SLC25A26: variants seen among roughly 807,000 people sequenced by gnomAD.
SLC25A26 encodes solute carrier family 25 member 26, also known as mitochondrial S-adenosylmethionine carrier protein.
SLC25A26 carries 36 observed loss-of-function variants against 37.8 expected under a neutral mutation model. The observed-to-expected ratio is 0.95, with a 90% confidence interval of 0.73 to 1.26. The LOEUF (loss-of-function observed/expected upper bound fraction) is 1.26. Among genes scored for constraint, SLC25A26 ranks in the 50% most tolerant of loss-of-function variants. The pLI, the probability that SLC25A26 is intolerant of heterozygous loss-of-function variation, is 0.00. For missense variants in SLC25A26, 390 were observed against 331.1 expected, an observed-to-expected ratio of 1.18 and a Z score of -1.38; for synonymous variants, 129 against 122.5, an observed-to-expected ratio of 1.05 and a Z score of -0.35.
intron 1 of SLC25A26, among the ~76,000 whole-genome samples, chr3:66,140,905 T>G (rs748410200): frequency 2.6e-5 from 4 of 152,158 alleles, no homozygotes; most frequent in African/African-American, 9.7e-5. Flanking sequence ...TGCAAGACTT[T>G]AGAAATGTTT....
At chr3:66,359,002 C>T (rs1183487612) in intron 6 of SLC25A26, among the ~76,000 whole-genome samples, 1 of 152,176 alleles carries the variant, frequency 6.6e-6, no homozygotes, top group African/African-American at 2.4e-5. Context: ...CGTTTTGGGT[C>T]TTCTAGAGAT....
chr3:66,149,848 T>G (rs1034066821), intron 1 of SLC25A26, among the ~76,000 whole-genome samples: 1 of 152,184 alleles, frequency 6.6e-6, no homozygotes, highest in Non-Finnish European at 1.5e-5. Flanking sequence ...ACTTAGCTCT[T>G]CACCATTCCA....
chr3:66,365,284 GA>G (rs752995756), intron 7 of SLC25A26, among the ~76,000 whole-genome samples: 1 of 152,174 alleles, frequency 6.6e-6, no homozygotes, highest in Non-Finnish European at 1.5e-5. Context: ...CATTGCAGAT[GA>G]ACCATTCTGT....
chr3:66,254,799 C>T (rs916458415), intron 3 of SLC25A26, among the ~76,000 whole-genome samples: 5 of 152,184 alleles, frequency 3.3e-5, no homozygotes, highest in African/African-American at 1.2e-4. Context: ...GGAATATTTG[C>T]AGGTAGTTGA....
At position 66,209,898 on chromosome 3, in the gene SLC25A26, T is replaced by TATATATTTATA. The variant is rs2071256377; in HGVS notation, c.-353-10844_-353-10843insATATATTTATA. On this transcript the variant is annotated intron_variant, in intron 1 of 10. Coordinates refer to the SLC25A26 transcript ENST00000676754. ...TATACTCCTCTCTCTCTCTCTCTAT[T>TATATATTTATA]TATATATATATATATATATATATAT... 2.6e-4 allele frequency among the ~76,000 whole-genome samples: 10 copies of TATATATTTATA among 38,616 alleles called. 2 individuals are homozygous for TATATATTTATA. The highest frequency in any genetic ancestry group is 8.8e-4 in the African/African-American group (10 of 11,376). The allele number at this position is 38,616 out of a possible 152,430, so 25.3% of individuals were successfully genotyped here.
chr3:66,268,692 G>C (rs914360415), intron 5 of SLC25A26, among the ~76,000 whole-genome samples: 9 of 152,148 alleles, frequency 5.9e-5, no homozygotes, highest in African/African-American at 2.2e-4. Flanking sequence ...ATATGGTTTG[G>C]CTCTGTGTCC....
In SLC25A26 at chr3:66,378,657, C is replaced by CAGGAATCT. The variant is rs1176463608; in HGVS notation, c.*853_*860dup. 3 of 152,374 alleles carry CAGGAATCT rather than the reference C, an allele frequency of 2.0e-5. No individual in the cohort carries two copies. The highest frequency in any genetic ancestry group is 4.4e-5 in the Non-Finnish European group (3 of 68,018). 9.4% of individuals were successfully genotyped at this position (152,374 alleles called of 1,614,324 possible). A position where few individuals can be genotyped will look rare whatever the true frequency, so the allele number is the denominator to read the frequency against. ...TGTAGAAAAATTCAAAACAAAATGT[C>CAGGAATCT]AGGAATCTAGCAGTGTTGTCTGCCC... On this transcript the variant is annotated 3_prime_UTR_variant, in exon 10 of 10. Transcript: ENST00000354883.
At chr3:66,313,617 C>A (rs575680498) in intron 5 of SLC25A26, among the ~76,000 whole-genome samples, 3 of 152,020 alleles carry the variant, frequency 2.0e-5, no homozygotes, top group African/African-American at 7.2e-5. Context: ...TTTTTTTATT[C>A]CATATGAATT....
rs1372150732 is a variant in SLC25A26 at position 66,301,076 on chromosome 3, G to A, written c.453+37697G>A. On this transcript the variant is annotated intron_variant, in intron 5 of 9. Transcript: ENST00000354883. ...ATAAAATGATGATAGAACTCATTGTGTCCTCAAATAATTGGATTCTGAAAT... is the reference window on the plus strand; with the variant it reads ...ATAAAATGATGATAGAACTCATTGTATCCTCAAATAATTGGATTCTGAAAT... 2.6e-5 allele frequency among the ~76,000 whole-genome samples: 4 copies of A among 152,092 alleles called. No individual in the cohort carries two copies. The East Asian group carries it at 7.7e-4, about 29-fold the overall frequency.
At chr3:66,263,134 T>C (rs1347329685) in intron 4 of SLC25A26, among the ~76,000 whole-genome samples, 198 bp from the exon 5 acceptor site, 1 of 152,238 alleles carries the variant, frequency 6.6e-6, no homozygotes, top group Non-Finnish European at 1.5e-5. Flanking sequence ...CCTTAGGAGC[T>C]AGTTATAGAG....
chr3:66,349,159 G>A (rs774067149), intron 6 of SLC25A26, among the ~76,000 whole-genome samples: 13 of 152,156 alleles, frequency 8.5e-5, no homozygotes, highest in Non-Finnish European at 1.9e-4. Context: ...ATTTTTCAGA[G>A]TAATCATAGA....
chr3:66,271,599 A>G (rs1398781649), intron 5 of SLC25A26, among the ~76,000 whole-genome samples: 1 of 152,138 alleles, frequency 6.6e-6, no homozygotes, highest in African/African-American at 2.4e-5. Context: ...GAAGTTGAGT[A>G]TGTAGCTTTT....
intron 1 of SLC25A26, among the ~76,000 whole-genome samples, chr3:66,144,708 T>A (rs1370542882): frequency 9.2e-5 from 14 of 152,180 alleles, no homozygotes; most frequent in Non-Finnish European, 7.3e-5. Context: ...AATAGAGTGA[T>A]CATTGTGCAC....
intron 5 of SLC25A26, among the ~76,000 whole-genome samples, chr3:66,310,261 C>G (rs6809906): frequency 0.011 from 1,601 of 152,268 alleles, 28 homozygotes; most frequent in African/African-American, 0.036. Flanking sequence ...TAATGCCTTT[C>G]TTTGTCTTTT....
rs115155301 is a variant in SLC25A26 at position 66,278,246 on chromosome 3, C to G, written c.453+14867C>G. On this transcript the variant is annotated intron_variant, in intron 5 of 9. Transcript: ENST00000354883. ...CCACATTTGGACATTGTATGAAGTA[C>G]TTGTTTTTAGAGTCATCTTCTAAAA... 2.5e-3 allele frequency among the ~76,000 whole-genome samples: 385 copies of G among 152,130 alleles called. 2 individuals are homozygous for G. The highest frequency in any genetic ancestry group is 9.1e-3 in the African/African-American group (378 of 41,534).
At chr3:66,365,774 A>T (rs909263265) in intron 7 of SLC25A26, among the ~76,000 whole-genome samples, 2 of 152,196 alleles carry the variant, frequency 1.3e-5, no homozygotes, top group South Asian at 2.1e-4. Context: ...TTGATGGGGA[A>T]GTCTTCCACA....
intron 1 of SLC25A26, among the ~76,000 whole-genome samples, chr3:66,154,540 CTTT>C (rs60639995): frequency 0.32 from 40,996 of 130,110 alleles, 5,187 homozygotes; most frequent in African/African-American, 0.37. Context: ...TTCTTTTTTT[CTTT>C]TTTTTTTTTT....
chr3:66,142,659 A>G (rs1396642358), intron 1 of SLC25A26, among the ~76,000 whole-genome samples: 2 of 152,208 alleles, frequency 1.3e-5, no homozygotes, highest in Non-Finnish European at 2.9e-5. Flanking sequence ...TCCATTTGTC[A>G]TCAAACCTAA....
In SLC25A26 at chr3:66,297,283, G is replaced by A. The variant is rs1479395395; in HGVS notation, c.453+33904G>A. The stretch of plus-strand genomic sequence containing the variant: ...GTGGAGGTTGCAGTGAGCCAAGATC[G>A]TGCCATTGCCCTCCAGCCTGGTCAA... On this transcript the variant is annotated intron_variant, in intron 5 of 9. Transcript: ENST00000354883. 8.8e-5 allele frequency among the ~76,000 whole-genome samples: 13 copies of A among 146,968 alleles called. No individual in the cohort carries two copies. The Admixed American group carries it at 9.0e-4, about 10-fold the overall frequency.
Sources: gnomAD v4.1 joint callset for allele counts (sites outside exome capture counted in the v4.1 genomes callset) on GRCh38, gnomAD v4.1.1 for gene constraint, MANE v1.5 for transcripts, NCBI Gene and HGNC (gene_info 2026-07-23, HGNC 2026-07-21) for gene names.